The following CD163L1 variants were observed in gnomAD, a reference collection of about 807,000 sequenced individuals.
CD163L1 encodes scavenger receptor cysteine-rich type 1 protein M160.
Under a neutral mutation model 165.4 loss-of-function variants are expected in CD163L1, and 124 were observed. That is an observed-to-expected ratio of 0.75 (90% confidence interval 0.65 to 0.87). The LOEUF is 0.87. Among genes scored for constraint, CD163L1 ranks in the 40% least tolerant of loss-of-function variants. The pLI is 0.00. For missense variants in CD163L1, 1,525 were observed against 1,799.9 expected (o/e 0.85, Z 2.76); for synonymous variants, 585 against 662.2 (o/e 0.88, Z 1.79).
In CD163L1 at chr12:7,431,047, T is replaced by C. The variant is rs116549490; in HGVS notation, c.766+1369A>G. On this transcript the variant is annotated intron_variant, in intron 4 of 19. Coordinates refer to ENST00000313599, the MANE Select transcript of CD163L1 (RefSeq NM_174941.6). ...CAGAGAGGTCACTGGGGAGAGGTCG[T>C]TGCTTTCCGTAGTGACTTCTTAGAG... 9.6e-3 allele frequency among the ~76,000 whole-genome samples: 1,460 copies of C among 152,238 alleles called. 26 individuals are homozygous for C. Among genetic ancestry groups the C allele is most frequent in the African/African-American group, 0.033 (1,354 of 41,542 alleles).
intron 8 of CD163L1, among the ~76,000 whole-genome samples, chr12:7,389,514 G>A (rs1187712516): frequency 2.0e-5 from 3 of 152,106 alleles, no homozygotes; most frequent in Non-Finnish European, 4.4e-5. Context: ...CAGAGGCTGG[G>A]AAGGGTAATG....
the CD163L1 span, among the ~76,000 whole-genome samples, chr12:7,328,097 A>G: frequency 6.6e-6 from 1 of 152,182 alleles, no homozygotes; most frequent in African/African-American, 2.4e-5. Context: ...AAAAACCCGT[A>G]AGATGGAGCT....
intron 4 of CD163L1, among the ~76,000 whole-genome samples, chr12:7,417,139 G>A (rs183583019): frequency 1.3e-5 from 2 of 152,214 alleles, no homozygotes; most frequent in Non-Finnish European, 2.9e-5. Flanking sequence ...CATGTCCCTT[G>A]TAAGTTGTAT....
intron 8 of CD163L1, among the ~76,000 whole-genome samples, chr12:7,385,256 A>G (rs1350247346): frequency 1.3e-5 from 2 of 151,916 alleles, no homozygotes; most frequent in East Asian, 3.8e-4. Flanking sequence ...ACTGTAAAAA[A>G]AAAAAAAGAC....
chr12:7,374,387 T>G lies in CD163L1; in HGVS notation c.3409+55A>C. The stretch of plus-strand genomic sequence containing the variant: ...CTACACTTTACAATTGTGTTGTGTG[T>G]GTGCAAGTGTGTGCACGTGTGTGTA... On this transcript the variant is annotated intron_variant, in intron 13 of 19. Coordinates refer to ENST00000313599, the MANE Select transcript of CD163L1 (RefSeq NM_174941.6). This position sits in a 1 kb window ranked among gnomAD's most constrained non-coding sequence, Gnocchi z 5.4. 6.7e-7 allele frequency: 1 copy of G among 1,497,954 alleles called. No individual in the cohort carries two copies. Among genetic ancestry groups the G allele is most frequent in the Non-Finnish European group, 9.0e-7 (1 of 1,107,170 alleles). 92.8% of individuals were successfully genotyped at this position (1,497,954 alleles called of 1,614,324 possible). A position where few individuals can be genotyped will look rare whatever the true frequency, so the allele number is the denominator to read the frequency against.
chr12:7,366,543 CAA>C (rs1337636181), intron 18 of CD163L1, among the ~76,000 whole-genome samples: 1 of 152,014 alleles, frequency 6.6e-6, no homozygotes, highest in Non-Finnish European at 1.5e-5. Context: ...AGTTTAAAAA[CAA>C]TGTTAATTAA....
chr12:7,378,400 A>G (rs1947316165), intron 9 of CD163L1, among the ~76,000 whole-genome samples: 1 of 152,188 alleles, frequency 6.6e-6, no homozygotes, highest in Non-Finnish European at 1.5e-5. Context: ...TTTGAAATGC[A>G]AGTTGTATCA....
At position 7,432,220 on chromosome 12, in the gene CD163L1, G is replaced by A. The variant is rs1948641635; in HGVS notation, c.766+196C>T. Reference sequence around the variant, plus strand: ...TCAGAAATATTAAAACTCAAAATGTGCTTTAGATTTGTTAGGAAGAGCAGT... The same window carrying A: ...TCAGAAATATTAAAACTCAAAATGTACTTTAGATTTGTTAGGAAGAGCAGT... On this transcript the variant is annotated intron_variant, in intron 4 of 19. Transcript: ENST00000313599. The surrounding 1 kb of genome is among the most constrained non-coding windows in gnomAD (Gnocchi z 4.2). 6.6e-6 allele frequency among the ~76,000 whole-genome samples: 1 copy of A among 152,210 alleles called. No individual in the cohort carries two copies. Among genetic ancestry groups the A allele is most frequent in the Non-Finnish European group, 1.5e-5 (1 of 68,038 alleles).
intron 2 of CD163L1, chr12:7,440,007 C>T: frequency 6.6e-7 from 1 of 1,506,062 alleles, no homozygotes; most frequent in Non-Finnish European, 9.1e-7. Context: ...CTCCGCAAAC[C>T]GCCGAGGAAA....
intron 4 of CD163L1, among the ~76,000 whole-genome samples, chr12:7,407,957 A>T (rs950027370): frequency 3.3e-5 from 5 of 152,044 alleles, no homozygotes; most frequent in African/African-American, 4.8e-5. Context: ...CCACAGATTC[A>T]ACTAAATGCA....
Position 7,347,552 on chromosome 12 carries a change from G to T in CD163L1, c.*25-405C>A, listed in dbSNP as rs992438787. On this transcript the variant is annotated intron_variant, in intron 4 of 4. Transcript: ENST00000539726. This position sits in a 1 kb window ranked among gnomAD's most constrained non-coding sequence, Gnocchi z 4.2. ...CCCAGCACTTTGGGAGGCCGAGGCA[G>T]GTGGATCACGAGGTCAGGAGATCGA... is the stretch of plus-strand genomic sequence containing the variant. Among the ~76,000 whole-genome samples, 2 of 152,158 alleles carry T rather than the reference G, an allele frequency of 1.3e-5. No individual in the cohort carries two copies. Among genetic ancestry groups the T allele is most frequent in the Non-Finnish European group, 2.9e-5 (2 of 68,034 alleles).
At chr12:7,431,822 T>C (rs1311808897) in intron 4 of CD163L1, among the ~76,000 whole-genome samples, 1 of 152,250 alleles carries the variant, frequency 6.6e-6, no homozygotes. Flanking sequence ...TTACTGAGCT[T>C]AGGAAGATTA....
chr12:7,328,302 G>C, the CD163L1 span: 3 of 1,587,760 alleles, frequency 1.9e-6, no homozygotes, highest in South Asian at 1.2e-5. Context: ...ATTTGTTCAA[G>C]AACTCCCAAA....
At chr12:7,424,558 C>T (rs1948506336) in intron 4 of CD163L1, among the ~76,000 whole-genome samples, 1 of 152,148 alleles carries the variant, frequency 6.6e-6, no homozygotes, top group Non-Finnish European at 1.5e-5. Flanking sequence ...TCTTTGTTTG[C>T]AGATGACATG....
intron 4 of CD163L1, among the ~76,000 whole-genome samples, chr12:7,423,423 G>C (rs938974794): frequency 1.3e-5 from 2 of 151,998 alleles, no homozygotes; most frequent in Admixed American, 6.6e-5. Context: ...AAAAGAACTA[G>C]AGAAGGAGAG....
chr12:7,355,322 AT>A, intron 19 of CD163L1, among the ~76,000 whole-genome samples, 192 bp from the exon 20 acceptor site: 1 of 152,252 alleles, frequency 6.6e-6, no homozygotes, highest in East Asian at 1.9e-4. Flanking sequence ...ATATGCAGAT[AT>A]TATGCAATTT....
chr12:7,328,312 A>C, the CD163L1 span: 6 of 1,592,612 alleles, frequency 3.8e-6, no homozygotes, highest in South Asian at 3.4e-5. Context: ...GAACTCCCAA[A>C]GACAATCACT....
At chr12:7,387,563 T>C (rs1234842007) in intron 8 of CD163L1, among the ~76,000 whole-genome samples, 1 of 152,108 alleles carries the variant, frequency 6.6e-6, no homozygotes, top group Non-Finnish European at 1.5e-5. Flanking sequence ...GAGTTGTTGC[T>C]CTATTAGTTC....
At chr12:7,443,421 C>G (rs1948854601) in intron 1 of CD163L1, among the ~76,000 whole-genome samples, 2 of 152,198 alleles carry the variant, frequency 1.3e-5, no homozygotes, top group Non-Finnish European at 2.9e-5. Flanking sequence ...CTATGAAGTG[C>G]AAGTGCAAAG....
Sources: gnomAD v4.1 joint callset for allele counts (sites outside exome capture counted in the v4.1 genomes callset) on GRCh38, gnomAD v4.1.1 for gene constraint, Gnocchi (gnomAD v3.1) non-coding constraint, MANE v1.5 for transcripts, NCBI Gene and HGNC (gene_info 2026-07-23, HGNC 2026-07-21) for gene names.